GRIA1: variants seen among roughly 807,000 people sequenced by gnomAD.
GRIA1 encodes glutamate ionotropic receptor AMPA type subunit 1.
In GRIA1, 31 loss-of-function variants were observed where a neutral mutation model predicts 99.2. The ratio of observed to expected loss-of-function variants is 0.31; its 90% CI spans 0.23 to 0.42. The LOEUF is 0.42. Among genes scored for constraint, GRIA1 ranks in the 10% least tolerant of loss-of-function variants. The probability of loss-of-function intolerance (pLI) is 1.00; values close to 1 mark genes in which losing one functional copy is unlikely to be tolerated. For missense variants in GRIA1, 782 were observed against 1,157.5 expected, an observed-to-expected ratio of 0.68 and a Z score of 4.71; for synonymous variants, 438 against 432.4, an observed-to-expected ratio of 1.01 and a Z score of -0.16.
intron 13 of GRIA1, among the ~76,000 whole-genome samples, chr5:153,792,619 G>A (rs1765369530): frequency 1.3e-5 from 2 of 152,174 alleles, no homozygotes; most frequent in African/African-American, 4.8e-5. Flanking sequence ...CCCTAGCATT[G>A]AGCCTCTCTC....
intron 7 of GRIA1, among the ~76,000 whole-genome samples, chr5:153,677,431 A>G (rs1472356513): frequency 1.3e-5 from 2 of 152,168 alleles, no homozygotes; most frequent in African/African-American, 4.8e-5. Flanking sequence ...TTTTCTGTGT[A>G]TGGGAAAGGG....
At chr5:153,690,517 T>C (rs992361114) in intron 8 of GRIA1, among the ~76,000 whole-genome samples, 2 of 152,118 alleles carry the variant, frequency 1.3e-5, no homozygotes, top group African/African-American at 4.8e-5. Context: ...CACCACTGCT[T>C]GTAGTAAGGG....
intron 10 of GRIA1, among the ~76,000 whole-genome samples, chr5:153,699,458 G>A (rs904598022): frequency 6.6e-6 from 1 of 152,110 alleles, no homozygotes; most frequent in Non-Finnish European, 1.5e-5. Flanking sequence ...CTAGTTACTT[G>A]CCTCTCTAGT....
At chr5:153,795,607 A>G in intron 14 of GRIA1, 2 of 1,436,202 alleles carry the variant, frequency 1.4e-6, no homozygotes, top group Middle Eastern at 1.7e-4. Context: ...CACCGGCTAC[A>G]GAGGTCACGC....
At chr5:153,704,730 C>T (rs1367040694) in intron 10 of GRIA1, among the ~76,000 whole-genome samples, 1 of 152,186 alleles carries the variant, frequency 6.6e-6, no homozygotes, top group Non-Finnish European at 1.5e-5. Context: ...TCTTTCAATG[C>T]CAACTTTATA....
chr5:153,499,312 C>T (rs897637483), intron 2 of GRIA1, among the ~76,000 whole-genome samples: 16 of 152,060 alleles, frequency 1.1e-4, no homozygotes, highest in Admixed American at 9.2e-4. Context: ...TGAGCATTCT[C>T]CTTTTAAAGA....
At chr5:153,780,916 C>T (rs1363934269) in intron 13 of GRIA1, among the ~76,000 whole-genome samples, 1 of 151,998 alleles carries the variant, frequency 6.6e-6, no homozygotes. Context: ...AAATGTTCAG[C>T]TAACAGCCAC....
intron 7 of GRIA1, among the ~76,000 whole-genome samples, chr5:153,684,313 G>A (rs1044216673): frequency 3.9e-5 from 6 of 152,062 alleles, no homozygotes; most frequent in Non-Finnish European, 7.4e-5. Context: ...ATAACAGCTG[G>A]CATTTTTTGA....
chr5:153,621,530 G>A (rs1466452193), intron 2 of GRIA1, among the ~76,000 whole-genome samples: 7 of 152,112 alleles, frequency 4.6e-5, no homozygotes, highest in African/African-American at 1.7e-4. Flanking sequence ...GAAACCATGT[G>A]GTATCATGGA....
At chr5:153,756,058 C>A (rs1490533784) in intron 11 of GRIA1, among the ~76,000 whole-genome samples, 2 of 152,236 alleles carry the variant, frequency 1.3e-5, no homozygotes, top group African/African-American at 4.8e-5. Context: ...TGACACTGGT[C>A]TTGCCAGTGG....
chr5:153,764,365 T>C, intron 11 of GRIA1, 69 bp from the exon 12 acceptor site: 1 of 1,221,380 alleles, frequency 8.2e-7, no homozygotes, highest in South Asian at 1.2e-5. Flanking sequence ...GGACCCGTGC[T>C]CAGTCCCTCC....
intron 2 of GRIA1, among the ~76,000 whole-genome samples, chr5:153,586,341 A>G (rs77437421): frequency 0.013 from 1,924 of 152,354 alleles, 34 homozygotes; most frequent in African/African-American, 0.039. Context: ...GAGAATTCTC[A>G]CAATAACTCG....
chr5:153,526,164 G>A (rs1757574928), intron 2 of GRIA1, among the ~76,000 whole-genome samples: 1 of 152,168 alleles, frequency 6.6e-6, no homozygotes, highest in South Asian at 2.1e-4. Flanking sequence ...TTACATTAAT[G>A]ATGGAGAGGA....
chr5:153,645,410 A>C (rs963003291), intron 2 of GRIA1, among the ~76,000 whole-genome samples: 9 of 152,290 alleles, frequency 5.9e-5, no homozygotes, highest in African/African-American at 2.2e-4. Context: ...ACAATTAGGT[A>C]CCACTGGTTA....
At position 153,674,603 on chromosome 5, in the gene GRIA1, A is replaced by C. The variant is rs1756435812; in HGVS notation, c.803A>C (p.Gln268Pro). Residue 268 changes from glutamine (Q) to proline (P), a missense_variant, in exon 6 of 16, where the codon CAG becomes CCG. By Grantham distance (76) the Gln-to-Pro change is moderately conservative. Transcript: ENST00000285900. ...YTDTIPAKIM[Q>P]QWKNSDARDH... ...GACACTATTCCGGCCAAGATCATGC[A>C]GCAGTGGAAGAATAGTGATGCTCGA... is the stretch of plus-strand genomic sequence containing the variant. 6.2e-7 allele frequency: 1 copy of C among 1,614,138 alleles called. No homozygotes were observed. Among genetic ancestry groups the C allele is most frequent in the Non-Finnish European group, 8.5e-7 (1 of 1,179,998 alleles).
rs1756646694 is a variant in GRIA1, at chr5:153,677,137, C to T, written c.1005C>T (p.Ile335=). 7 of 1,549,730 alleles carry T rather than the reference C, an allele frequency of 4.5e-6. No homozygotes were observed. Among genetic ancestry groups the T allele is most frequent in the African/African-American group, 4.1e-5 (3 of 73,010 alleles). The change falls in exon 7 of 16, where the codon ATC becomes ATT. Residue 335 remains isoleucine, a synonymous_variant. Transcript: ENST00000285900. Reference sequence around the variant, plus strand: ...CAGCTGTTCCCTGGGGCCAAGGGATCGACATCCAGAGAGCTCTGCAGCAGG... The same window carrying T: ...CAGCTGTTCCCTGGGGCCAAGGGATTGACATCCAGAGAGCTCTGCAGCAGG... ...ANPAVPWGQG[I]DIQRALQQVR...
At chr5:153,578,148 C>CAAAAAAAAAAAAA (rs60901793) in intron 2 of GRIA1, among the ~76,000 whole-genome samples, 12 of 69,316 alleles carry the variant, frequency 1.7e-4, no homozygotes, top group African/African-American at 2.7e-4. Flanking sequence ...GAGACTCTGT[C>CAAAAAAAAAAAAA]AAAAAAAAAA....
intron 13 of GRIA1, among the ~76,000 whole-genome samples, 195 bp downstream of exon 13, chr5:153,770,610 C>T (rs1193335345): frequency 6.6e-6 from 1 of 152,162 alleles, no homozygotes; most frequent in Non-Finnish European, 1.5e-5. Context: ...ACCTGGGGGC[C>T]TCAGCTTGCT....
At chr5:153,722,564 G>T (rs1379367592) in intron 11 of GRIA1, among the ~76,000 whole-genome samples, 1 of 152,132 alleles carries the variant, frequency 6.6e-6, no homozygotes, top group Admixed American at 6.5e-5. Flanking sequence ...TTATTTTAAT[G>T]TCATCCTTTC....
Sources: gnomAD v4.1 joint callset for allele counts (sites outside exome capture counted in the v4.1 genomes callset) on GRCh38, gnomAD v4.1.1 for gene constraint, MANE v1.5 for transcripts, NCBI Gene and HGNC (gene_info 2026-07-23, HGNC 2026-07-21) for gene names.